The following SYNJ2 variants were observed in gnomAD, a reference collection of about 807,000 sequenced individuals.
The protein encoded by SYNJ2 is polyphosphatidylinositol phosphatase SYNJ2.
SYNJ2 carries 116 observed loss-of-function variants against 141.3 expected under a neutral mutation model. The observed-to-expected ratio is 0.82, with a 90% CI of 0.71 to 0.96. The LOEUF (loss-of-function observed/expected upper bound fraction) is 0.96, where lower values mean the gene tolerates loss of function less well. Among genes scored for constraint, SYNJ2 ranks in the 40% least tolerant of loss-of-function variants. The pLI, the probability that SYNJ2 is intolerant of heterozygous loss-of-function variation, is 0.00. For synonymous variants in SYNJ2, 745 were observed against 777.7 expected (o/e 0.96, Z 0.70); for missense variants, 1,873 against 1,934.8 (o/e 0.97, Z 0.60).
At chr6:158,047,792 A>AAAAAAAAC (rs1780330151) in intron 5 of SYNJ2, among the ~76,000 whole-genome samples, 1 of 149,262 alleles carries the variant, frequency 6.7e-6, no homozygotes, top group Non-Finnish European at 1.5e-5. Flanking sequence ...AAAAAAAAAA[A>AAAAAAAAC]AAAAAAAAAA....
chr6:158,074,836 T>A (rs768648013), intron 16 of SYNJ2, 98 bp downstream of exon 16: 35 of 1,380,772 alleles, frequency 2.5e-5, no homozygotes, highest in Non-Finnish European at 3.5e-5. Context: ...GTTCCGTGAG[T>A]GGATTTCACT....
At chr6:158,074,840 T>C (rs776723179) in intron 16 of SYNJ2, 102 bp downstream of exon 16, 256 of 1,363,966 alleles carry the variant, frequency 1.9e-4, no homozygotes, top group South Asian at 1.1e-3. Context: ...CGTGAGTGGA[T>C]TTCACTGTTT....
chr6:158,020,103 A>G (rs1778676771), intron 2 of SYNJ2, among the ~76,000 whole-genome samples: 1 of 142,670 alleles, frequency 7.0e-6, no homozygotes, highest in African/African-American at 2.7e-5. Context: ...ACTGACTCCA[A>G]TTGTGTGACT....
At position 158,059,290 on chromosome 6, in the gene SYNJ2, G is replaced by T. The variant is rs1415332791; in HGVS notation, c.891G>T (p.Gln297His). The part of the protein sequence containing the change: ...HMVLLKEQYG[Q>H]QVVVNLLGSR... The stretch of plus-strand genomic sequence containing the variant: ...TGCTTCTGAAGGAGCAGTACGGGCA[G>T]CAGGTGGTCGTGAACCTTCTGGGAA... Residue 297 changes from glutamine to histidine, a missense_variant, in exon 7 of 27, where the codon CAG (glutamine) becomes CAT (histidine). Gln to His is a conservative substitution (Grantham distance 24, BLOSUM62 0). Transcript: ENST00000355585. 3.2e-6 allele frequency: 5 copies of T among 1,550,596 alleles called. No homozygotes were observed. Among genetic ancestry groups the T allele is most frequent in the Non-Finnish European group, 4.4e-6 (5 of 1,146,866 alleles).
chr6:157,983,592 AAG>A (rs974629086), intron 1 of SYNJ2, among the ~76,000 whole-genome samples: 4 of 152,210 alleles, frequency 2.6e-5, no homozygotes, highest in South Asian at 2.1e-4. Context: ...GCTTAGAAAA[AAG>A]AGATTTTATT....
intron 1 of SYNJ2, among the ~76,000 whole-genome samples, chr6:158,006,120 G>A (rs748366770): frequency 2.9e-4 from 44 of 152,068 alleles, no homozygotes; most frequent in Non-Finnish European, 5.6e-4. Flanking sequence ...AATGCCCCTG[G>A]CCTAAGGAAA....
chr6:158,023,125 G>A (rs1043097523), intron 2 of SYNJ2, among the ~76,000 whole-genome samples: 1 of 152,092 alleles, frequency 6.6e-6, no homozygotes, highest in Admixed American at 6.5e-5. Flanking sequence ...AGGAGCGGTG[G>A]TGCACGCCTG....
chr6:158,076,832 G>A (rs1782327527), intron 17 of SYNJ2, 50 bp downstream of exon 17: 1 of 1,559,496 alleles, frequency 6.4e-7, no homozygotes, highest in African/African-American at 1.4e-5. Context: ...AATAAGAAAT[G>A]CGACGGAGGG....
At chr6:158,078,387 G>A in intron 18 of SYNJ2, 106 bp downstream of exon 18, 1 of 720,660 alleles carries the variant, frequency 1.4e-6, no homozygotes, top group Admixed American at 2.3e-5. Context: ...TGTGCGCATG[G>A]GGGTGCATTT....
Position 158,095,938 on chromosome 6 carries a change from T to C in SYNJ2, c.4065T>C (p.Leu1355=), listed in dbSNP as rs112750822. ...AGGTCCTGCAGAGCAACAGCCAGCT[T>C]CTCCAGGGCCTCACTTACAATAGCA... The part of the protein sequence containing the change: ...HLQVLQSNSQ[L]LQGLTYNSSD... Residue 1355 remains leucine (L), a synonymous_variant, in exon 27 of 27, where the codon CTT becomes CTC. Coordinates refer to ENST00000355585, the MANE Select transcript of SYNJ2 (RefSeq NM_003898.4). The C allele has an allele frequency of 1.6e-3, 2,508 of 1,613,946 alleles. 32 individuals are homozygous for C. The African/African-American group carries it at 0.03, about 19-fold the overall frequency.
At chr6:158,009,553 C>T (rs1778189439) in intron 1 of SYNJ2, among the ~76,000 whole-genome samples, 2 of 152,188 alleles carry the variant, frequency 1.3e-5, no homozygotes. Context: ...GAAGGGAGGG[C>T]TTTCCTCAAA....
At chr6:158,077,620 T>C (rs1326918614) in intron 17 of SYNJ2, 5 of 144,928 alleles carry the variant, frequency 3.4e-5, no homozygotes, top group Non-Finnish European at 7.4e-5. Context: ...GTGAAGTTTA[T>C]TTAAAGTTAG....
chr6:158,070,433 A>G lies in SYNJ2; in HGVS notation c.1940+760A>G. Reference sequence around the variant, plus strand: ...CATAATCCTCTTCTCTGACTTTCAGAAGATGTTTAGGTCCCTGTCCCTCTG... The same window carrying G: ...CATAATCCTCTTCTCTGACTTTCAGGAGATGTTTAGGTCCCTGTCCCTCTG... On this transcript the variant is annotated intron_variant, in intron 14 of 26. Transcript: ENST00000355585. The surrounding 1 kb of genome is among the most constrained non-coding windows in gnomAD (Gnocchi z 4.0). The G allele has an allele frequency of 3.6e-5, 35 of 985,380 alleles. No homozygotes were observed. Among genetic ancestry groups the G allele is most frequent in the Non-Finnish European group, 4.2e-5 (35 of 829,978 alleles). The allele number at this position is 985,380 out of a possible 1,614,324, so 61.0% of individuals were successfully genotyped here. A position where few individuals can be genotyped will look rare whatever the true frequency, so the allele number is the denominator to read the frequency against.
In SYNJ2 at chr6:158,059,150, A is replaced by G. The variant is rs1470090962; in HGVS notation, c.858-107A>G. 3.3e-6 allele frequency: 4 copies of G among 1,207,880 alleles called. No homozygotes were observed. In the East Asian group the frequency reaches 8.3e-5, roughly 25 times the overall value. 74.8% of individuals were successfully genotyped at this position (1,207,880 alleles called of 1,614,324 possible). The stretch of plus-strand genomic sequence containing the variant: ...GGGACAGCTGGTCCTGGACTGTGGC[A>G]CTAAGAAAGCATGACTCCTGCCCCG... On this transcript the variant is annotated intron_variant, in intron 6 of 26. Coordinates refer to ENST00000355585, the MANE Select transcript of SYNJ2 (RefSeq NM_003898.4).
intron 1 of SYNJ2, among the ~76,000 whole-genome samples, chr6:158,012,450 C>T (rs747402730): frequency 1.3e-5 from 2 of 152,086 alleles, no homozygotes; most frequent in Non-Finnish European, 2.9e-5. Flanking sequence ...CCGATTGCCG[C>T]GATTGCTGAA....
rs1383969506 is a variant in SYNJ2 at position 158,083,497 on chromosome 6, C to A, written c.2934C>A (p.Ile978=). 1 of 1,614,178 alleles carries A rather than the reference C, an allele frequency of 6.2e-7. No homozygotes were observed. Among genetic ancestry groups the A allele is most frequent in the African/African-American group, 1.3e-5 (1 of 75,044 alleles). Residue 978 remains isoleucine, a synonymous_variant, in exon 21 of 27, where the codon ATC becomes ATA. Transcript: ENST00000355585. ...KDWLKGLREE[I]IRKRDSMAPV... is the part of the protein sequence containing the mutation. ...GGCTGAAAGGTTTGCGAGAGGAGAT[C>A]ATTCGGAAACGAGACAGCATGGCCC...
intron 6 of SYNJ2, among the ~76,000 whole-genome samples, chr6:158,055,445 G>A (rs1780809548): frequency 1.3e-5 from 2 of 152,024 alleles, no homozygotes; most frequent in Non-Finnish European, 2.9e-5. Context: ...ACCACTCTCA[G>A]AGATTTTACT....
At chr6:158,072,100 G>A (rs1170569668) in intron 15 of SYNJ2, among the ~76,000 whole-genome samples, 2 of 152,218 alleles carry the variant, frequency 1.3e-5, no homozygotes, top group Admixed American at 6.5e-5. Context: ...GATGGTTTAG[G>A]GAAGAAAACC....
intron 15 of SYNJ2, among the ~76,000 whole-genome samples, chr6:158,072,349 C>T (rs60947172): frequency 0.12 from 17,769 of 152,294 alleles, 1,291 homozygotes; most frequent in African/African-American, 0.21. Context: ...CGTGGCGGTC[C>T]GGAGGGTTTC....
Sources: gnomAD v4.1 joint callset for allele counts (sites outside exome capture counted in the v4.1 genomes callset) on GRCh38, gnomAD v4.1.1 for gene constraint, Gnocchi (gnomAD v3.1) non-coding constraint, MANE v1.5 for transcripts, NCBI Gene and HGNC (gene_info 2026-07-23, HGNC 2026-07-21) for gene names.